LHFPL1: variants seen among roughly 807,000 people sequenced by gnomAD.
LHFPL1 encodes the protein LHFPL tetraspan subfamily member 1, also known as LHFPL tetraspan subfamily member 1 protein.
In LHFPL1, 4 loss-of-function variants were observed where a neutral mutation model predicts 12.1. The ratio of observed to expected loss-of-function variants is 0.33; its 90% CI spans 0.16 to 0.76. The LOEUF is 0.76. Among genes scored for constraint, LHFPL1 ranks in the 30% least tolerant of loss-of-function variants. The pLI is 0.61. For synonymous variants in LHFPL1, 52 were observed against 61.9 expected (o/e 0.84, Z 0.75); for missense variants, 141 against 174.1 (o/e 0.81, Z 1.07).
At chrX:112,668,197 G>T (rs1931391300) in intron 2 of LHFPL1, among the ~76,000 whole-genome samples, 1 of 111,922 alleles carries the variant, frequency 8.9e-6, no homozygotes, top group Non-Finnish European at 1.9e-5. Flanking sequence ...CCAAAATGCT[G>T]CCCAGCCTTG....
chrX:112,676,509 T>C (rs1469431326), intron 1 of LHFPL1, among the ~76,000 whole-genome samples: 1 of 112,198 alleles, frequency 8.9e-6, no homozygotes, highest in African/African-American at 3.2e-5. Flanking sequence ...AGATTGGTTG[T>C]ATGAGATGCA....
chrX:112,662,784 A>C (rs771349754), intron 2 of LHFPL1, among the ~76,000 whole-genome samples: 2 of 112,025 alleles, frequency 1.8e-5, no homozygotes, highest in South Asian at 7.5e-4. Context: ...AGATAAACTG[A>C]AATCCTAGGA....
intron 3 of LHFPL1, among the ~76,000 whole-genome samples, chrX:112,653,969 T>C (rs1197267851): frequency 8.9e-6 from 1 of 112,119 alleles, no homozygotes; most frequent in Non-Finnish European, 1.9e-5. Context: ...GAAACTGAAA[T>C]GTTGACAATC....
At chrX:112,658,346 A>G (rs1931072377) in intron 3 of LHFPL1, among the ~76,000 whole-genome samples, 1 of 108,194 alleles carries the variant, frequency 9.2e-6, no homozygotes, top group Admixed American at 1.0e-4. Flanking sequence ...AATCACTTGA[A>G]CCTGGGAGGC....
At position 112,643,810 on chromosome X, in the gene LHFPL1, C is replaced by T. The variant is rs765643163; in HGVS notation, c.482-12209G>A. On this transcript the variant is annotated intron_variant, in intron 3 of 3. Coordinates refer to ENST00000371968, the MANE Select transcript of LHFPL1 (RefSeq NM_178175.4). ...CAACAGAGCCACCCTACAATTTGTT[C>T]GTTCCATTCAGTGCAACACTGAGCA... 4.5e-5 allele frequency among the ~76,000 whole-genome samples: 5 copies of T among 111,723 alleles called. No individual in the cohort carries two copies. In the South Asian group the frequency reaches 1.9e-3, roughly 42 times the overall value.
At position 112,644,577 on chromosome X, in the gene LHFPL1, T is replaced by C. The variant is rs937245067; in HGVS notation, c.482-12976A>G. On this transcript the variant is annotated intron_variant, in intron 3 of 3. Transcript: ENST00000371968. ...AAAGACCTCACCATAAAAGTAGGCA[T>C]ATCACAACACAGGGAGCTAGGCATG... 4.5e-5 allele frequency among the ~76,000 whole-genome samples: 5 copies of C among 110,887 alleles called. No homozygotes were observed. The East Asian group carries it at 8.6e-4, about 19-fold the overall frequency.
At chrX:112,664,025 A>C (rs1427698267) in intron 2 of LHFPL1, among the ~76,000 whole-genome samples, 1 of 112,251 alleles carries the variant, frequency 8.9e-6, no homozygotes, top group Non-Finnish European at 1.9e-5. Flanking sequence ...TGCATACTCA[A>C]ATCCCTTATA....
chrX:112,641,940 G>A (rs1303993947), intron 3 of LHFPL1, among the ~76,000 whole-genome samples: 1 of 112,029 alleles, frequency 8.9e-6, no homozygotes, highest in Non-Finnish European at 1.9e-5. Flanking sequence ...TTGATGCAGT[G>A]CTAGCAGCTT....
chrX:112,644,259 T>G (rs1025854953), intron 3 of LHFPL1, among the ~76,000 whole-genome samples: 1 of 111,822 alleles, frequency 8.9e-6, no homozygotes, highest in Non-Finnish European at 1.9e-5. Context: ...TACTTTCTTT[T>G]TTTTTCTTTT....
rs150666040 is a variant in LHFPL1, at chrX:112,631,454, T to G, written c.629A>C (p.Tyr210Ser). The change falls in exon 4 of 4, where the codon TAT becomes TCT. Residue 210 changes from tyrosine to serine, a missense_variant. Tyr to Ser is a moderately radical substitution (Grantham distance 144). Transcript: ENST00000371968. ...VESIMRNTNS[Y>S]AMELDHCLKP ...GAGGCAATGGTCAAGCTCCATAGCA[T>G]AAGAATTGGTATTCCTCATGATGCT... The G allele has an allele frequency of 9.5e-4, 1,147 of 1,207,955 alleles. 6 individuals are homozygous for G. The African/African-American group carries it at 0.018, about 19-fold the overall frequency.
Position 112,631,618 on chromosome X carries a change from A to T in LHFPL1, c.482-17T>A, listed in dbSNP as rs1309508740. 3 of 1,137,018 alleles carry T rather than the reference A, an allele frequency of 2.6e-6. No homozygotes were observed. The African/African-American group carries it at 5.4e-5, about 20-fold the overall frequency. 93.7% of individuals were successfully genotyped at this position (1,137,018 alleles called of 1,213,427 possible). A position where few individuals can be genotyped will look rare whatever the true frequency, so the allele number is the denominator to read the frequency against. On this transcript the variant is annotated splice_polypyrimidine_tract_variant and intron_variant, in intron 3 of 3. Coordinates refer to ENST00000371968, the MANE Select transcript of LHFPL1 (RefSeq NM_178175.4). ...GACAGGTACCTGTGAGAACAGGGACAGAGAATGAGGATTGGGTTGTCTTTT... is the reference window on the plus strand; with the variant it reads ...GACAGGTACCTGTGAGAACAGGGACTGAGAATGAGGATTGGGTTGTCTTTT...
intron 3 of LHFPL1, among the ~76,000 whole-genome samples, chrX:112,637,751 G>C (rs1222818177): frequency 8.9e-6 from 1 of 112,128 alleles, no homozygotes; most frequent in African/African-American, 3.2e-5. Flanking sequence ...GGGAAGCAGG[G>C]ATATAGCAAG....
Position 112,664,840 on chromosome X carries a change from TAC to T in LHFPL1, c.383-4117_383-4116del, listed in dbSNP as rs1176334010. 3.6e-4 allele frequency among the ~76,000 whole-genome samples: 40 copies of T among 112,282 alleles called. No homozygotes were observed. The East Asian group carries it at 0.011, about 31-fold the overall frequency. On this transcript the variant is annotated intron_variant, in intron 2 of 3. Transcript: ENST00000371968. Reference sequence around the variant, plus strand: ...TTCAAGTAGCAACAGGGAAGTCATTTACAAGTGTCAGTCCCTGCCACCTTCTG... The same window carrying T: ...TTCAAGTAGCAACAGGGAAGTCATTTAAGTGTCAGTCCCTGCCACCTTCTG...
rs1402798921 is a variant in LHFPL1 at position 112,662,252 on chromosome X, A to C, written c.383-1527T>G. Among the ~76,000 whole-genome samples, 3 of 112,252 alleles carry C rather than the reference A, an allele frequency of 2.7e-5. No homozygotes were observed. In the Admixed American group the frequency reaches 2.8e-4, roughly 11 times the overall value. On this transcript the variant is annotated intron_variant, in intron 2 of 3. Transcript: ENST00000371968. Reference sequence around the variant, plus strand: ...AAGACATAGCACAGAACCATCACAAAGCAGCTGCTTGATCAATGGTGAATG... The same window carrying C: ...AAGACATAGCACAGAACCATCACAACGCAGCTGCTTGATCAATGGTGAATG...
chrX:112,645,859 C>T (rs960633069), intron 3 of LHFPL1, among the ~76,000 whole-genome samples: 1 of 111,628 alleles, frequency 9.0e-6, no homozygotes, highest in Non-Finnish European at 1.9e-5. Flanking sequence ...AGGGCTGTTG[C>T]AAGGAGCCTT....
intron 3 of LHFPL1, among the ~76,000 whole-genome samples, chrX:112,656,511 G>A (rs1161658327): frequency 3.6e-5 from 4 of 111,654 alleles, no homozygotes; most frequent in Admixed American, 2.9e-4. Context: ...GGAGGTTCTT[G>A]CAAGGGCAAT....
chrX:112,646,411 G>A (rs1930690067), intron 3 of LHFPL1, among the ~76,000 whole-genome samples: 1 of 109,458 alleles, frequency 9.1e-6, no homozygotes, highest in African/African-American at 3.3e-5. Flanking sequence ...TTGTTTTCAA[G>A]GCTGTATCTT....
intron 1 of LHFPL1, among the ~76,000 whole-genome samples, chrX:112,677,661 C>CA (rs58664430): frequency 0.12 from 11,472 of 95,966 alleles, 642 homozygotes; most frequent in East Asian, 0.27. Flanking sequence ...GACAAAGCTT[C>CA]AAAAAAAAAA....
chrX:112,673,442 A>G (rs770899251), intron 1 of LHFPL1, among the ~76,000 whole-genome samples: 4 of 111,461 alleles, frequency 3.6e-5, no homozygotes, highest in Non-Finnish European at 7.5e-5. Context: ...GCAATGAGGT[A>G]ATGCCTCTGC....
Sources: gnomAD v4.1 joint callset for allele counts (sites outside exome capture counted in the v4.1 genomes callset) on GRCh38, gnomAD v4.1.1 for gene constraint, MANE v1.5 for transcripts, NCBI Gene and HGNC (gene_info 2026-07-23, HGNC 2026-07-21) for gene names.